MYO1D: variants seen among roughly 807,000 people sequenced by gnomAD.
The protein encoded by MYO1D is myosin ID.
A neutral mutation model predicts 122.0 loss-of-function variants in MYO1D; 83 were observed. The observed-to-expected ratio is 0.68, with a 90% CI of 0.57 to 0.82. The LOEUF is 0.82. Among genes scored for constraint, MYO1D ranks in the 40% least tolerant of loss-of-function variants. MYO1D has a pLI of 0.00. For missense variants in MYO1D, 1,157 were observed against 1,269.5 expected, an observed-to-expected ratio of 0.91 and a Z score of 1.35; for synonymous variants, 464 against 446.9, an observed-to-expected ratio of 1.04 and a Z score of -0.48.
intron 20 of MYO1D, among the ~76,000 whole-genome samples, chr17:32,606,199 G>T (rs1043003062): frequency 1.4e-4 from 21 of 152,252 alleles, no homozygotes; most frequent in African/African-American, 5.1e-4. Flanking sequence ...GAAGAAATTA[G>T]ATTTATATTT....
chr17:32,521,908 C>T (rs1910152201), intron 21 of MYO1D, among the ~76,000 whole-genome samples: 1 of 151,678 alleles, frequency 6.6e-6, no homozygotes, highest in Non-Finnish European at 1.5e-5. Flanking sequence ...ATGGTGAAAC[C>T]CTGTCTCTAC....
chr17:32,759,613 A>T (rs1038175757), intron 10 of MYO1D, among the ~76,000 whole-genome samples: 5 of 152,148 alleles, frequency 3.3e-5, no homozygotes, highest in Non-Finnish European at 7.4e-5. Flanking sequence ...CATTTCTATC[A>T]TAAACAGAAG....
chr17:32,812,046 C>T (rs1041567334), intron 1 of MYO1D, among the ~76,000 whole-genome samples: 5 of 152,144 alleles, frequency 3.3e-5, no homozygotes, highest in Admixed American at 6.5e-5. Context: ...TAGTTTGTCA[C>T]TTTTATTTGG....
intron 21 of MYO1D, among the ~76,000 whole-genome samples, chr17:32,537,137 A>T (rs1910687136): frequency 6.6e-6 from 1 of 152,218 alleles, no homozygotes; most frequent in Non-Finnish European, 1.5e-5. Context: ...TTAGATTTTC[A>T]AGTGTTTTTT....
intron 21 of MYO1D, among the ~76,000 whole-genome samples, chr17:32,545,576 TG>T (rs1460807230): frequency 6.6e-6 from 1 of 152,190 alleles, no homozygotes; most frequent in Non-Finnish European, 1.5e-5. Context: ...TGTCCCTAAC[TG>T]GTCCCTAGTT....
At chr17:32,603,840 T>G (rs1019459824) in intron 21 of MYO1D, among the ~76,000 whole-genome samples, 1 of 152,208 alleles carries the variant, frequency 6.6e-6, no homozygotes, top group South Asian at 2.1e-4. Context: ...CTAAACTTTT[T>G]AAAATTTTTC....
intron 1 of MYO1D, among the ~76,000 whole-genome samples, chr17:32,835,669 C>T (rs898780814): frequency 4.5e-4 from 69 of 152,286 alleles, no homozygotes; most frequent in African/African-American, 1.6e-3. Flanking sequence ...TCAAGTCCTT[C>T]TGGGTCTTTC....
At chr17:32,520,244 C>T (rs1910086689) in intron 21 of MYO1D, among the ~76,000 whole-genome samples, 2 of 152,140 alleles carry the variant, frequency 1.3e-5, no homozygotes, top group Admixed American at 1.3e-4. Context: ...TGCTGAGCCC[C>T]GGGACCTGCC....
At chr17:32,620,554 CT>C (rs371842238) in intron 20 of MYO1D, among the ~76,000 whole-genome samples, 22 of 152,222 alleles carry the variant, frequency 1.4e-4, no homozygotes, top group African/African-American at 3.6e-4. Flanking sequence ...GAACCCCCCC[CT>C]GCCAAGTTCC....
chr17:32,776,465 G>A (rs1031259802), intron 3 of MYO1D, among the ~76,000 whole-genome samples: 4 of 152,142 alleles, frequency 2.6e-5, no homozygotes, highest in Non-Finnish European at 5.9e-5. Context: ...GGAGACTGAT[G>A]GAATGGGCAA....
chr17:32,750,357 T>C (rs895166531), intron 11 of MYO1D, among the ~76,000 whole-genome samples: 1 of 152,174 alleles, frequency 6.6e-6, no homozygotes, highest in Non-Finnish European at 1.5e-5. Context: ...CTCACGTCTG[T>C]AATCCCAGCA....
chr17:32,656,411 G>A (rs748479695), intron 17 of MYO1D, among the ~76,000 whole-genome samples: 61 of 152,232 alleles, frequency 4.0e-4, no homozygotes, highest in Non-Finnish European at 7.5e-4. Flanking sequence ...TCAGGGCAGT[G>A]CACTCTACTC....
chr17:32,754,693 G>T (rs2089929538), intron 11 of MYO1D, among the ~76,000 whole-genome samples: 1 of 152,200 alleles, frequency 6.6e-6, no homozygotes, highest in Admixed American at 6.5e-5. Context: ...CTATGGATGT[G>T]AAGGAGCAAG....
intron 16 of MYO1D, among the ~76,000 whole-genome samples, chr17:32,663,329 GC>G (rs1255681414): frequency 6.6e-6 from 1 of 152,108 alleles, no homozygotes; most frequent in African/African-American, 2.4e-5. Flanking sequence ...TCTGCCATTT[GC>G]CCCCAAACAG....
chr17:32,542,273 C>T (rs1910858719), intron 21 of MYO1D, among the ~76,000 whole-genome samples: 1 of 152,198 alleles, frequency 6.6e-6, no homozygotes, highest in South Asian at 2.1e-4. Context: ...GAAAAGAAAG[C>T]ATTTTCCACT....
Position 32,609,131 on chromosome 17 carries a change from G to A in MYO1D, c.2710-3890C>T, listed in dbSNP as rs187387613. ...GACCTGTACACCACCACCCATGCAC[G>A]TAAATTATATTCATTGCCTATAAAT... On this transcript the variant is annotated intron_variant, in intron 20 of 21. Transcript: ENST00000318217. 2.4e-4 allele frequency among the ~76,000 whole-genome samples: 37 copies of A among 152,286 alleles called. 1 individual carries two copies. The East Asian group carries it at 6.0e-3, about 25-fold the overall frequency.
chr17:32,640,848 C>T (rs531733423), intron 19 of MYO1D, among the ~76,000 whole-genome samples: 1 of 151,910 alleles, frequency 6.6e-6, no homozygotes, highest in Non-Finnish European at 1.5e-5. Flanking sequence ...TTCAGAAATA[C>T]TGCAAACCAC....
intron 8 of MYO1D, among the ~76,000 whole-genome samples, chr17:32,761,570 T>TG (rs1410346965): frequency 6.6e-6 from 1 of 152,218 alleles, no homozygotes; most frequent in Non-Finnish European, 1.5e-5. Flanking sequence ...TTGTAAAAGT[T>TG]GGAGTTCTTC....
intron 19 of MYO1D, among the ~76,000 whole-genome samples, chr17:32,653,554 C>T (rs368221318): frequency 3.5e-5 from 5 of 144,904 alleles, no homozygotes; most frequent in South Asian, 2.1e-4. Context: ...TGCAGTGAGC[C>T]GAGATTACGC....
Sources: gnomAD v4.1 joint callset for allele counts (sites outside exome capture counted in the v4.1 genomes callset) on GRCh38, gnomAD v4.1.1 for gene constraint, MANE v1.5 for transcripts, NCBI Gene and HGNC (gene_info 2026-07-23, HGNC 2026-07-21) for gene names.